Variants in ARL2 observed in about 807,000 individuals in gnomAD.
ARL2 encodes the protein ADP-ribosylation factor-like protein 2.
In ARL2, 11 loss-of-function variants were observed where a neutral mutation model predicts 22.0. That is an observed-to-expected ratio of 0.50 (90% CI 0.31 to 0.83). The LOEUF (loss-of-function observed/expected upper bound fraction) is 0.83. ARL2 is among the 40% of genes least tolerant of loss of function. ARL2 has a pLI of 0.04. For synonymous variants in ARL2, 111 were observed against 100.8 expected (o/e 1.10, Z -0.61); for missense variants, 216 against 243.2 (o/e 0.89, Z 0.74).
chr11:65,016,202 T>A (rs1288030680), intron 1 of ARL2, among the ~76,000 whole-genome samples: 1 of 26,470 alleles, frequency 3.8e-5, no homozygotes, highest in African/African-American at 1.6e-4. Flanking sequence ...AGCGAAACTC[T>A]GTTAAAAAAA....
At chr11:65,020,069 G>A (rs1008999695) in intron 3 of ARL2, among the ~76,000 whole-genome samples, 1 of 152,230 alleles carries the variant, frequency 6.6e-6, no homozygotes, top group African/African-American at 2.4e-5. Context: ...CACATCCTCT[G>A]TGCATGTCTG....
intron 4 of ARL2, 111 bp from the exon 5 acceptor site, chr11:65,021,610 G>A (rs1234936902): frequency 7.3e-7 from 1 of 1,362,212 alleles, no homozygotes. Context: ...ATGACATGGA[G>A]CAGGGCCTTG....
At chr11:65,021,665 C>A in intron 4 of ARL2, 56 bp from the exon 5 acceptor site, 1 of 1,537,348 alleles carries the variant, frequency 6.5e-7, no homozygotes, top group South Asian at 1.2e-5. Context: ...AAGGGGCTGA[C>A]GGCAGGCAGG....
intron 4 of ARL2, chr11:65,021,486 C>CA: frequency 2.2e-6 from 1 of 454,622 alleles, no homozygotes; most frequent in Non-Finnish European, 3.9e-6. Context: ...CTCAGGAGCC[C>CA]ATGCTGCATT....
At position 65,021,883 on chromosome 11, in the gene ARL2, G is replaced by A. The variant is rs541806031; in HGVS notation, c.*28G>A. 103 of 1,601,778 alleles carry A rather than the reference G, an allele frequency of 6.4e-5. 2 individuals carry two copies. In the South Asian group the frequency reaches 1.1e-3, roughly 17 times the overall value. On this transcript the variant is annotated 3_prime_UTR_variant, in exon 5 of 5. Transcript: ENST00000246747. ...CACTCCAGATGCCCCCCACCTAGCA[G>A]TCCAGGTCCCTCAACCTTCACCAAA...
intron 1 of ARL2, among the ~76,000 whole-genome samples, chr11:65,015,100 C>T (rs1198661492): frequency 1.3e-5 from 2 of 151,770 alleles, no homozygotes; most frequent in African/African-American, 4.8e-5. Context: ...CCACGGAGTC[C>T]GGCCCATGTC....
At chr11:65,016,455 G>A (rs919964273) in intron 1 of ARL2, among the ~76,000 whole-genome samples, 3 of 152,034 alleles carry the variant, frequency 2.0e-5, no homozygotes, top group Non-Finnish European at 4.4e-5. Context: ...GAAGTGCAGT[G>A]GAGAGAAGGA....
chr11:65,019,541 C>CA (rs539887867), intron 3 of ARL2: 1,620 of 139,132 alleles, frequency 0.012, 27 homozygotes, highest in African/African-American at 0.038. Context: ...GACTCCGTCT[C>CA]AAAAAAAAAA....
At position 65,020,360 on chromosome 11, in the gene ARL2, A is replaced by G. The variant is rs1323384617; in HGVS notation, c.340-59A>G. 3 of 1,399,752 alleles carry G rather than the reference A, an allele frequency of 2.1e-6. No homozygotes were observed. In the African/African-American group the frequency reaches 4.3e-5, roughly 20 times the overall value. The allele number at this position is 1,399,752 out of a possible 1,614,324, so 86.7% of individuals were successfully genotyped here. The stretch of plus-strand genomic sequence containing the variant: ...CACCCCAGATGCTCTGGGCCATTAG[A>G]GGAGGGGTCAGGCTGTCCTCTGAGT... On this transcript the variant is annotated intron_variant, in intron 3 of 4. Transcript: ENST00000246747.
At position 65,018,316 on chromosome 11, in the gene ARL2, AC is replaced by A. The variant is rs778704995; in HGVS notation, c.66-46del. On this transcript the variant is annotated intron_variant, in intron 1 of 4. Transcript: ENST00000246747. This position sits in a 1 kb window ranked among gnomAD's most constrained non-coding sequence, Gnocchi z 4.2. The stretch of plus-strand genomic sequence containing the variant: ...CCCTAAGGGGCTCTGCAACAATGTC[AC>A]CACCTGGCAGAGAACAGGGACTTCT... The A allele has an allele frequency of 4.0e-6, 6 of 1,506,170 alleles. No individual in the cohort carries two copies. Among genetic ancestry groups the A allele is most frequent in the Non-Finnish European group, 5.4e-6 (6 of 1,105,296 alleles). The allele number at this position is 1,506,170 out of a possible 1,614,324, so 93.3% of individuals were successfully genotyped here.
chr11:65,015,745 ACT>A (rs768209318), intron 1 of ARL2, among the ~76,000 whole-genome samples: 8 of 151,788 alleles, frequency 5.3e-5, no homozygotes, highest in African/African-American at 1.2e-4. Flanking sequence ...ACATAGTGAG[ACT>A]CTGTCTCTAT....
In ARL2 at chr11:65,018,855, C is replaced by G; in HGVS notation, c.339+122C>G. Reference sequence around the variant, plus strand: ...GCAGGATCCCTTCCTTCTCTGGGCCCCCACCATGGGAGGCCCATGGTGCCA... The same window carrying G: ...GCAGGATCCCTTCCTTCTCTGGGCCGCCACCATGGGAGGCCCATGGTGCCA... On this transcript the variant is annotated intron_variant, in intron 3 of 4. Transcript: ENST00000246747. This position sits in a 1 kb window ranked among gnomAD's most constrained non-coding sequence, Gnocchi z 4.2. 6.5e-7 allele frequency: 1 copy of G among 1,540,734 alleles called. No individual in the cohort carries two copies. The highest frequency in any genetic ancestry group is 8.7e-7 in the Non-Finnish European group (1 of 1,149,114).
At chr11:65,020,869 C>CAAAA (rs58186585) in intron 4 of ARL2, among the ~76,000 whole-genome samples, 1,519 of 68,032 alleles carry the variant, frequency 0.022, 23 homozygotes, top group African/African-American at 0.07. Context: ...GACTTCGTCT[C>CAAAA]AAAAAAAAAA....
chr11:65,021,582 C>T, intron 4 of ARL2, 139 bp from the exon 5 acceptor site: 5 of 1,129,270 alleles, frequency 4.4e-6, no homozygotes, highest in South Asian at 1.7e-5. Flanking sequence ...CTGGGACCGG[C>T]GGGGCTTCCT....
In ARL2 at chr11:65,021,818, T is replaced by C. The variant is rs1590732995; in HGVS notation, c.518T>C (p.Leu173Pro). The part of the protein sequence containing the change: ...ENLLPGIDWL[L>P]DDISSRIFTA... ...CTGCTGCCGGGCATCGACTGGCTCCTGGATGACATTTCCAGCCGCATTTTC... is the reference window on the plus strand; with the variant it reads ...CTGCTGCCGGGCATCGACTGGCTCCCGGATGACATTTCCAGCCGCATTTTC... Residue 173 changes from leucine (L) to proline (P), a missense_variant, in exon 5 of 5, where the codon CTG becomes CCG. Transcript: ENST00000246747. The C allele has an allele frequency of 6.2e-7, 1 of 1,613,520 alleles. No homozygotes were observed. The highest frequency in any genetic ancestry group is 2.2e-5 in the East Asian group (1 of 44,886).
At chr11:65,014,384 C>T in intron 1 of ARL2, 112 bp downstream of exon 1, 1 of 850,026 alleles carries the variant, frequency 1.2e-6, no homozygotes, top group South Asian at 1.9e-5. Context: ...CCAACTGCCC[C>T]TGGCGTCACC....
At chr11:65,021,498 A>C (rs746302771) in intron 4 of ARL2, 34 of 477,060 alleles carry the variant, frequency 7.1e-5, no homozygotes, top group Non-Finnish European at 1.2e-4. Context: ...TGCTGCATTT[A>C]CATCACTAAG....
At chr11:65,021,647 G>A (rs768907538) in intron 4 of ARL2, 74 bp from the exon 5 acceptor site, 4 of 1,497,118 alleles carry the variant, frequency 2.7e-6, no homozygotes, top group Non-Finnish European at 3.6e-6. Context: ...CCTCTGGGCT[G>A]GGGAGGGAAG....
At chr11:65,015,790 A>G (rs1427340954) in intron 1 of ARL2, among the ~76,000 whole-genome samples, 1 of 151,994 alleles carries the variant, frequency 6.6e-6, no homozygotes, top group African/African-American at 2.4e-5. Context: ...TACATACTAT[A>G]TATATATGGG....
Sources: allele counts gnomAD v4.1 joint callset (sites outside exome capture counted in the v4.1 genomes callset), GRCh38; gene constraint gnomAD v4.1.1; non-coding constraint Gnocchi (gnomAD v3.1); transcripts MANE v1.5; gene names NCBI Gene and HGNC (gene_info 2026-07-23, HGNC 2026-07-21).